The following CXCL17 variants were observed in gnomAD, a reference collection of about 807,000 sequenced individuals.
CXCL17 encodes C-X-C motif chemokine 17.
CXCL17 carries 9 observed loss-of-function variants against 15.5 expected under a neutral mutation model. The observed-to-expected ratio is 0.58, with a 90% CI of 0.35 to 1.01. The LOEUF (loss-of-function observed/expected upper bound fraction) is 1.01. Among genes scored for constraint, CXCL17 ranks in the 50% least tolerant of loss-of-function variants. The pLI is 0.02. For synonymous variants in CXCL17, 52 were observed against 52.3 expected, an observed-to-expected ratio of 0.99 and a Z score of 0.02; for missense variants, 133 against 138.2, an observed-to-expected ratio of 0.96 and a Z score of 0.19.
chr19:42,433,587 C>T (rs2040804711), intron 2 of CXCL17, among the ~76,000 whole-genome samples, 189 bp downstream of exon 2: 1 of 152,224 alleles, frequency 6.6e-6, no homozygotes. Context: ...TCCCCTAGAC[C>T]TTGGAGAAGT....
rs1421249625 is a variant in CXCL17, at chr19:42,442,872, A to G, written c.-40T>C. On this transcript the variant is annotated 5_prime_UTR_variant, in exon 1 of 4. Transcript: ENST00000601181. The stretch of plus-strand genomic sequence containing the variant: ...CAGCTGTAAGTTGCTTGAAGAATAT[A>G]ATGGAAGGTTCCCTGCTGGAGGCTC... 1 of 1,522,052 alleles carries G rather than the reference A, an allele frequency of 6.6e-7. No individual in the cohort carries two copies. Among genetic ancestry groups the G allele is most frequent in the African/African-American group, 1.4e-5 (1 of 73,124 alleles). The allele number at this position is 1,522,052 out of a possible 1,614,324, so 94.3% of individuals were successfully genotyped here. A position where few individuals can be genotyped will look rare whatever the true frequency, so the allele number is the denominator to read the frequency against.
Position 42,433,613 on chromosome 19 carries a change from GAGTC to G in CXCL17, c.160+159_160+162del, listed in dbSNP as rs796987548. ...TTGGAGAAGTCCAGTTCTTGCCTGA[GAGTC>G]AGGAAGAAAGTGGGCACAGGTGCTG... On this transcript the variant is annotated intron_variant, in intron 2 of 3. Transcript: ENST00000601181. 1.1e-4 allele frequency among the ~76,000 whole-genome samples: 17 copies of G among 152,338 alleles called. No homozygotes were observed. In the South Asian group the frequency reaches 1.4e-3, roughly 13 times the overall value.
At chr19:42,435,003 C>A (rs1163233969) in intron 1 of CXCL17, among the ~76,000 whole-genome samples, 1 of 151,620 alleles carries the variant, frequency 6.6e-6, no homozygotes, top group East Asian at 2.0e-4. Flanking sequence ...CATGGTGAAA[C>A]CCCGTCTCTA....
intron 1 of CXCL17, among the ~76,000 whole-genome samples, chr19:42,439,259 AAAAAAAAAAAAAAAAG>A (rs1245035466): frequency 6.6e-6 from 1 of 150,778 alleles, no homozygotes; most frequent in Admixed American, 6.6e-5. Flanking sequence ...ATCTCAAAAA[AAAAAAAAAAAAAAAAG>A]AAAAAGAAAA....
chr19:42,436,353 C>T (rs1265025986), intron 1 of CXCL17, among the ~76,000 whole-genome samples: 1 of 152,208 alleles, frequency 6.6e-6, no homozygotes, highest in African/African-American at 2.4e-5. Flanking sequence ...GGCATAGGTC[C>T]TGCCATTTAA....
chr19:42,430,285 A>G (rs1331863855), intron 3 of CXCL17, among the ~76,000 whole-genome samples: 1 of 152,082 alleles, frequency 6.6e-6, no homozygotes, highest in Non-Finnish European at 1.5e-5. Context: ...TCATGAAACT[A>G]CTACCTAGGC....
At chr19:42,436,328 A>G (rs1039311804) in intron 1 of CXCL17, among the ~76,000 whole-genome samples, 17 of 152,334 alleles carry the variant, frequency 1.1e-4, no homozygotes, top group Middle Eastern at 3.4e-3. Flanking sequence ...GAGTGTTATC[A>G]AAGTAATTTA....
chr19:42,429,711 T>C (rs994504020), intron 3 of CXCL17, among the ~76,000 whole-genome samples: 68 of 152,078 alleles, frequency 4.5e-4, no homozygotes, highest in Admixed American at 1.1e-3. Context: ...CAGTAAAAAG[T>C]AAAAGGACTC....
At chr19:42,442,662 C>T (rs2040906104) in intron 1 of CXCL17, 92 bp downstream of exon 1, 2 of 887,402 alleles carry the variant, frequency 2.3e-6, no homozygotes, top group Non-Finnish European at 3.7e-6. Context: ...CCCCATCCCC[C>T]ATAGCTAAGA....
chr19:42,429,757 C>T (rs1002539826), intron 3 of CXCL17, among the ~76,000 whole-genome samples: 2 of 152,294 alleles, frequency 1.3e-5, no homozygotes, highest in East Asian at 3.9e-4. Flanking sequence ...TTTTCCAGGG[C>T]TAACCACTGT....
intron 1 of CXCL17, among the ~76,000 whole-genome samples, chr19:42,439,461 AAG>A: frequency 6.9e-6 from 1 of 145,090 alleles, no homozygotes; most frequent in African/African-American, 2.7e-5. Flanking sequence ...GGTGAATAAC[AAG>A]AAAAAAAAAA....
chr19:42,442,906 T>TG lies in CXCL17; in HGVS notation c.-75dup, dbSNP rs1257309927. 4 of 1,148,952 alleles carry TG rather than the reference T, an allele frequency of 3.5e-6. No individual in the cohort carries two copies. The highest frequency in any genetic ancestry group is 5.1e-6 in the Non-Finnish European group (4 of 777,392). The allele number at this position is 1,148,952 out of a possible 1,614,324, so 71.2% of individuals were successfully genotyped here. ...TTCCCTGCTGGAGGCTCCTGATCCC[T>TG]GGGGATGACTCAGGTCAGGATACTC... is the stretch of plus-strand genomic sequence containing the variant. On this transcript the variant is annotated 5_prime_UTR_variant, in exon 1 of 4. Coordinates refer to ENST00000601181, the MANE Select transcript of CXCL17 (RefSeq NM_198477.3).
intron 3 of CXCL17, 37 bp from the exon 4 acceptor site, chr19:42,429,018 A>G: frequency 6.7e-7 from 1 of 1,482,382 alleles, no homozygotes; most frequent in Non-Finnish European, 9.3e-7. Context: ...TAGTGTTAAA[A>G]CCATTTTTAA....
At chr19:42,430,594 C>CAAAA (rs537870150) in intron 3 of CXCL17, among the ~76,000 whole-genome samples, 3 of 85,198 alleles carry the variant, frequency 3.5e-5, no homozygotes, top group Admixed American at 1.4e-4. Context: ...AACTCCATCT[C>CAAAA]AAAAAAAAAA....
At chr19:42,433,701 G>T (rs1246291608) in intron 2 of CXCL17, 75 bp downstream of exon 2, 1 of 1,220,998 alleles carries the variant, frequency 8.2e-7, no homozygotes, top group Admixed American at 1.7e-5. Flanking sequence ...CATCTGCATT[G>T]GTCTCAGAGG....
intron 1 of CXCL17, among the ~76,000 whole-genome samples, chr19:42,436,483 G>GTT (rs539933175): frequency 3.4e-5 from 5 of 145,144 alleles, no homozygotes; most frequent in African/African-American, 5.0e-5. Flanking sequence ...TAATTCTGAA[G>GTT]TTTTTTTTTT....
intron 1 of CXCL17, among the ~76,000 whole-genome samples, chr19:42,438,381 A>AAAAAAAATATATATATATAT (rs1555793041): frequency 1.6e-5 from 1 of 63,858 alleles, no homozygotes; most frequent in Non-Finnish European, 2.6e-5. Flanking sequence ...AAAAAAAAAA[A>AAAAAAAATATATATATATAT]ATATATATAT....
chr19:42,430,898 C>T (rs535717693), intron 3 of CXCL17, among the ~76,000 whole-genome samples: 2 of 151,946 alleles, frequency 1.3e-5, no homozygotes, highest in Non-Finnish European at 2.9e-5. Context: ...AGTGCAGTGG[C>T]GTGATCTTGG....
chr19:42,439,275 G>C (rs201534183), intron 1 of CXCL17, among the ~76,000 whole-genome samples: 2 of 109,702 alleles, frequency 1.8e-5, no homozygotes, highest in African/African-American at 6.7e-5. Flanking sequence ...AAAAAAAAAA[G>C]AAAAAGAAAA....
Sources: allele counts gnomAD v4.1 joint callset (sites outside exome capture counted in the v4.1 genomes callset), GRCh38; gene constraint gnomAD v4.1.1; transcripts MANE v1.5; gene names NCBI Gene and HGNC (gene_info 2026-07-23, HGNC 2026-07-21).